Variants in RSPH6A observed in about 807,000 individuals in gnomAD.
RSPH6A encodes radial spoke head protein 6 homolog A.
In RSPH6A, 49 loss-of-function variants were observed where a neutral mutation model predicts 66.1. The observed-to-expected ratio is 0.74, with a 90% CI of 0.59 to 0.94. The LOEUF is 0.94. Ranked by LOEUF, RSPH6A falls within the 40% of genes least tolerant of loss-of-function variation. RSPH6A has a pLI of 0.00. For missense variants in RSPH6A, 977 were observed against 948.3 expected (o/e 1.03, Z -0.40); for synonymous variants, 419 against 402.4 (o/e 1.04, Z -0.49).
Position 45,797,901 on chromosome 19 carries a change from A to G in RSPH6A, c.1917-1795T>C, listed in dbSNP as rs531390633. Among the ~76,000 whole-genome samples, 43 of 152,162 alleles carry G rather than the reference A, an allele frequency of 2.8e-4. 1 individual carries two copies. Among genetic ancestry groups the G allele is most frequent in the African/African-American group, 1.0e-3 (42 of 41,524 alleles). The stretch of plus-strand genomic sequence containing the variant: ...AAAAAAAAATCCCTGGGTTGTGCCT[A>G]CATTCTGCTAAGAGGAGACTGATAA... On this transcript the variant is annotated intron_variant, in intron 5 of 5. Coordinates refer to ENST00000221538, the MANE Select transcript of RSPH6A (RefSeq NM_030785.4).
chr19:45,810,814 G>A lies in RSPH6A; in HGVS notation c.677C>T (p.Thr226Ile), dbSNP rs1970617869. The A allele has an allele frequency of 6.2e-7, 1 of 1,611,780 alleles. No homozygotes were observed. The highest frequency in any genetic ancestry group is 8.5e-7 in the Non-Finnish European group (1 of 1,178,176). Residue 226 changes from threonine (T) to isoleucine (I), a missense_variant, in exon 2 of 6, where the codon ACC (threonine) becomes ATC (isoleucine). Transcript: ENST00000221538. ...CTCAGGCCGCTGGTTCAGGATCTTG[G>A]TCAGCAGATTCACCAGGTGCTCGTA... is the stretch of plus-strand genomic sequence containing the variant. ...SLYEHLVNLLTKILNQRPEDP... is the reference protein window; with the variant it reads ...SLYEHLVNLLIKILNQRPEDP...
Position 45,804,641 on chromosome 19 carries a change from C to A in RSPH6A, c.1264G>T (p.Gly422Cys). Residue 422 changes from glycine to cysteine, a missense_variant, in exon 3 of 6, where the codon GGC becomes TGC. Transcript: ENST00000221538. This position sits in a 1 kb window ranked among gnomAD's most constrained non-coding sequence, Gnocchi z 5.8. Reference sequence around the variant, plus strand: ...ACAAAGTACAGGTACTTGTTGGCGCCTGAGCGGCTCTCCTCCTTGGGGATC... The same window carrying A: ...ACAAAGTACAGGTACTTGTTGGCGCATGAGCGGCTCTCCTCCTTGGGGATC... ...PVIPKEESRSGANKYLYFVCN... is the reference protein window; with the variant it reads ...PVIPKEESRSCANKYLYFVCN... 1 of 1,614,146 alleles carries A rather than the reference C, an allele frequency of 6.2e-7. No individual in the cohort carries two copies. Among genetic ancestry groups the A allele is most frequent in the Middle Eastern group, 1.6e-4 (1 of 6,062 alleles).
chr19:45,812,431 G>A (rs1970642103), intron 1 of RSPH6A, among the ~76,000 whole-genome samples: 3 of 152,052 alleles, frequency 2.0e-5, no homozygotes, highest in Admixed American at 2.0e-4. Flanking sequence ...TTCCAAGCAT[G>A]TATGTGTCAC....
At chr19:45,802,788 C>G (rs1167823101) in intron 3 of RSPH6A, among the ~76,000 whole-genome samples, 2 of 149,740 alleles carry the variant, frequency 1.3e-5, no homozygotes, top group East Asian at 4.0e-4. Context: ...ATTACAGGTG[C>G]GAGCCATTGC....
chr19:45,810,860 T>C lies in RSPH6A; in HGVS notation c.651-20A>G. 1 of 1,588,734 alleles carries C rather than the reference T, an allele frequency of 6.3e-7. No homozygotes were observed. The highest frequency in any genetic ancestry group is 1.1e-5 in the South Asian group (1 of 88,646). ...TCGTACCTGCCTCCCGCAGGAGGAG[T>C]GGGAGGAGAGGGACCTCACTCACTC... On this transcript the variant is annotated intron_variant, in intron 1 of 5. Transcript: ENST00000221538.
Position 45,815,200 on chromosome 19 carries a change from C to G in RSPH6A, c.-24G>C, listed in dbSNP as rs1481764694. 1.3e-6 allele frequency: 2 copies of G among 1,560,108 alleles called. No individual in the cohort carries two copies. Among genetic ancestry groups the G allele is most frequent in the African/African-American group, 1.4e-5 (1 of 73,534 alleles). ...ATGGTTCGCCAGGAGGCACAGATCT[C>G]TAGGAGAAAGGCTTGCAGACAAGGA... On this transcript the variant is annotated 5_prime_UTR_variant, in exon 1 of 6. Coordinates refer to ENST00000221538, the MANE Select transcript of RSPH6A (RefSeq NM_030785.4).
chr19:45,814,349 G>A (rs757232479), intron 1 of RSPH6A, among the ~76,000 whole-genome samples, 178 bp downstream of exon 1: 11 of 152,226 alleles, frequency 7.2e-5, no homozygotes, highest in Non-Finnish European at 1.5e-4. Context: ...TGCAGTGCCA[G>A]CACATGTCTG....
Position 45,800,774 on chromosome 19 carries a change from ACT to A in RSPH6A, c.1799-213_1799-212del, listed in dbSNP as rs1347632127. On this transcript the variant is annotated intron_variant, in intron 4 of 5. Coordinates refer to ENST00000221538, the MANE Select transcript of RSPH6A (RefSeq NM_030785.4). The stretch of plus-strand genomic sequence containing the variant: ...CACACACACACACACACACACACAC[ACT>A]CTCTCTCTCTCTCTCGCTCTCTTTT... Among the ~76,000 whole-genome samples, 550 of 105,078 alleles carry A rather than the reference ACT, an allele frequency of 5.2e-3. 25 individuals carry two copies. The East Asian group carries it at 0.12, about 22-fold the overall frequency. 68.9% of individuals were successfully genotyped at this position (105,078 alleles called of 152,430 possible).
intron 2 of RSPH6A, among the ~76,000 whole-genome samples, chr19:45,808,657 CTTTTT>C (rs60697395): frequency 2.9e-5 from 3 of 104,212 alleles, no homozygotes; most frequent in Admixed American, 1.0e-4. Flanking sequence ...CAAAACTTAT[CTTTTT>C]TTTTTTTTTT....
chr19:45,804,989 C>T lies in RSPH6A; in HGVS notation c.916G>A (p.Glu306Lys). The change falls in exon 3 of 6, where the codon GAG (glutamate) becomes AAG (lysine). Residue 306 changes from glutamate to lysine, a missense_variant. Transcript: ENST00000221538. This position sits in a 1 kb window ranked among gnomAD's most constrained non-coding sequence, Gnocchi z 5.8. ...VGETPVPNIM[E>K]TAFYFEQAGV... is the part of the protein sequence containing the mutation. ...GCCTGCTCGAAGTAGAAGGCAGTCT[C>T]CATGATGTTGGGCACTGGTGTCTCC... 1.9e-6 allele frequency: 3 copies of T among 1,612,418 alleles called. No individual in the cohort carries two copies. In the South Asian group the frequency reaches 3.3e-5, roughly 18 times the overall value.
chr19:45,815,248 G>C lies in RSPH6A; in HGVS notation c.-72C>G, dbSNP rs1418143821. On this transcript the variant is annotated 5_prime_UTR_variant, in exon 1 of 6. Transcript: ENST00000221538. ...GGAGGCCAAGCGAGAGCCACCTGTC[G>C]ACACCGCCGGTTTCTGAGCACCGAG... 3 of 1,418,720 alleles carry C rather than the reference G, an allele frequency of 2.1e-6. No individual in the cohort carries two copies. Among genetic ancestry groups the C allele is most frequent in the Non-Finnish European group, 2.8e-6 (3 of 1,075,486 alleles). 87.9% of individuals were successfully genotyped at this position (1,418,720 alleles called of 1,614,324 possible). A position where few individuals can be genotyped will look rare whatever the true frequency, so the allele number is the denominator to read the frequency against.
chr19:45,805,129 G>T, intron 2 of RSPH6A, 113 bp from the exon 3 acceptor site: 1 of 862,746 alleles, frequency 1.2e-6, no homozygotes. Flanking sequence ...GGGTGCAGTG[G>T]CTCACGCCTG....
chr19:45,810,879 C>T, intron 1 of RSPH6A, 39 bp from the exon 2 acceptor site: 1 of 1,526,050 alleles, frequency 6.6e-7, no homozygotes, highest in Non-Finnish European at 8.9e-7. Context: ...AGGGACCTCA[C>T]TCACTCAGCT....
rs1970511337 is a variant in RSPH6A, at chr19:45,804,361, G to GC, written c.1543dup (p.Ala515GlyfsTer64). 6.2e-7 allele frequency: 1 copy of GC among 1,614,206 alleles called. No individual in the cohort carries two copies. The highest frequency in any genetic ancestry group is 1.3e-5 in the African/African-American group (1 of 75,068). On this transcript the variant is annotated frameshift_variant, in exon 3 of 6. Coordinates refer to ENST00000221538, the MANE Select transcript of RSPH6A (RefSeq NM_030785.4). LOFTEE classifies it high-confidence loss of function. The surrounding 1 kb of genome is among the most constrained non-coding windows in gnomAD (Gnocchi z 5.8). ...GTTCTCCTCGTAGGAGTCGCGCCCA[G>GC]CACCACCTTCCTCCTCCTCGTCGCC...
intron 3 of RSPH6A, among the ~76,000 whole-genome samples, chr19:45,802,503 ATTT>A (rs61325479): frequency 0.37 from 47,952 of 129,262 alleles, 8,458 homozygotes; most frequent in African/African-American, 0.46. Context: ...CACTCATTGA[ATTT>A]TTTTTTTTTT....
At position 45,815,262 on chromosome 19, in the gene RSPH6A, CT is replaced by C; in HGVS notation, c.-87del. ...AGCCACCTGTCGACACCGCCGGTTT[CT>C]GAGCACCGAGAGAGGGGGCCGTTAC... On this transcript the variant is annotated 5_prime_UTR_variant, in exon 1 of 6. Coordinates refer to ENST00000221538, the MANE Select transcript of RSPH6A (RefSeq NM_030785.4). 7.2e-7 allele frequency: 1 copy of C among 1,383,028 alleles called. No individual in the cohort carries two copies. Among genetic ancestry groups the C allele is most frequent in the Non-Finnish European group, 9.6e-7 (1 of 1,046,386 alleles). 85.7% of individuals were successfully genotyped at this position (1,383,028 alleles called of 1,614,324 possible).
intron 5 of RSPH6A, among the ~76,000 whole-genome samples, chr19:45,797,363 A>T (rs551558489): frequency 6.6e-6 from 1 of 151,172 alleles, no homozygotes; most frequent in East Asian, 1.9e-4. Flanking sequence ...CCTGGGTGAC[A>T]GAGTGAGACT....
In RSPH6A at chr19:45,809,036, C is replaced by T. The variant is rs1193888881; in HGVS notation, c.888+1567G>A. ...TTTTTTTTTGAGACGGAGTCTCGCT[C>T]TTTTGCCCAGGCCAGAGTGCAGTGG... On this transcript the variant is annotated intron_variant, in intron 2 of 5. Transcript: ENST00000221538. Among the ~76,000 whole-genome samples the T allele has an allele frequency of 6.2e-5, 8 of 128,746 alleles. No individual in the cohort carries two copies. The East Asian group carries it at 1.4e-3, about 23-fold the overall frequency. 84.5% of individuals were successfully genotyped at this position (128,746 alleles called of 152,430 possible).
At chr19:45,808,406 G>A (rs1970574432) in intron 2 of RSPH6A, among the ~76,000 whole-genome samples, 3 of 151,288 alleles carry the variant, frequency 2.0e-5, no homozygotes, top group South Asian at 2.1e-4. Flanking sequence ...CAGCCTGGGC[G>A]ACAGAGCAAG....
Sources: gnomAD v4.1 joint callset for allele counts (sites outside exome capture counted in the v4.1 genomes callset) on GRCh38, gnomAD v4.1.1 for gene constraint, Gnocchi (gnomAD v3.1) non-coding constraint, MANE v1.5 for transcripts, NCBI Gene and HGNC (gene_info 2026-07-23, HGNC 2026-07-21) for gene names.